ZC3H13: variants seen among roughly 807,000 people sequenced by gnomAD.
The protein encoded by ZC3H13 is zinc finger CCCH domain-containing protein 13.
In ZC3H13, 64 loss-of-function variants were observed where a neutral mutation model predicts 204.1. That is an observed-to-expected ratio of 0.31 (90% CI 0.26 to 0.39). ZC3H13 has a LOEUF of 0.39. Among genes scored for constraint, ZC3H13 ranks in the 10% least tolerant of loss-of-function variants. The pLI, the probability that ZC3H13 is intolerant of heterozygous loss-of-function variation, is 1.00. For synonymous variants in ZC3H13, 667 were observed against 693.7 expected, an observed-to-expected ratio of 0.96 and a Z score of 0.60; for missense variants, 1,833 against 2,082.7, an observed-to-expected ratio of 0.88 and a Z score of 2.33.
chr13:45,976,470 A>G (rs1378919757), intron 11 of ZC3H13, among the ~76,000 whole-genome samples: 1 of 152,244 alleles, frequency 6.6e-6, no homozygotes, highest in Non-Finnish European at 1.5e-5. Context: ...AGTGTTTCAT[A>G]TTAGTGATAT....
intron 14 of ZC3H13, 43 bp from the exon 15 acceptor site, chr13:45,968,071 TA>T: frequency 6.7e-7 from 1 of 1,502,166 alleles, no homozygotes; most frequent in Non-Finnish European, 8.9e-7. Flanking sequence ...TAGCACATGA[TA>T]AAATAGAAAC....
intron 18 of ZC3H13, among the ~76,000 whole-genome samples, chr13:45,958,245 T>G (rs1413562980): frequency 6.6e-6 from 1 of 152,260 alleles, no homozygotes; most frequent in Non-Finnish European, 1.5e-5. Context: ...TATTTTTCTT[T>G]AATGAAGTAA....
In ZC3H13 at chr13:45,988,914, T is replaced by G; in HGVS notation, c.1128A>C (p.Ser376=). 3.7e-6 allele frequency: 6 copies of G among 1,614,094 alleles called. No homozygotes were observed. The highest frequency in any genetic ancestry group is 5.1e-6 in the Non-Finnish European group (6 of 1,180,022). ...TTCTCTGGGGAGACGACAAAGAATG[T>G]GAAGGATAAGGAGAGGCAGAGCGTC... is the stretch of plus-strand genomic sequence containing the variant. ...PLRRSASPYP[S]HSLSSPQRKQ... Residue 376 remains serine, a synonymous_variant, in exon 9 of 19, where the codon TCA becomes TCC. Transcript: ENST00000679008.
chr13:46,006,883 T>C (rs544761360), intron 7 of ZC3H13, among the ~76,000 whole-genome samples: 3 of 151,612 alleles, frequency 2.0e-5, no homozygotes, highest in Admixed American at 2.0e-4. Context: ...ATATGACGAC[T>C]AAATCTAGTT....
intron 3 of ZC3H13, among the ~76,000 whole-genome samples, chr13:46,043,686 G>T (rs1015763146): frequency 6.6e-6 from 1 of 151,718 alleles, no homozygotes. Context: ...GCACAAATAC[G>T]AAAGAAGTTA....
intron 18 of ZC3H13, among the ~76,000 whole-genome samples, chr13:45,957,558 A>T (rs41284147): frequency 0.26 from 38,906 of 152,130 alleles, 5,370 homozygotes; most frequent in South Asian, 0.33. Context: ...ACAGGTAATC[A>T]ACCGGTTTTT....
intron 12 of ZC3H13, among the ~76,000 whole-genome samples, chr13:45,971,242 C>A (rs1175317408): frequency 6.6e-6 from 1 of 151,978 alleles, no homozygotes; most frequent in African/African-American, 2.4e-5. Flanking sequence ...TAGTGTTTTC[C>A]CCCATTTTCA....
chr13:45,971,299 A>C (rs1952563655), intron 12 of ZC3H13, among the ~76,000 whole-genome samples: 1 of 152,198 alleles, frequency 6.6e-6, no homozygotes. Context: ...TTGTTTATAA[A>C]TACTATGGTC....
intron 17 of ZC3H13, among the ~76,000 whole-genome samples, chr13:45,961,190 T>C (rs893707484): frequency 6.6e-6 from 1 of 152,160 alleles, no homozygotes; most frequent in Non-Finnish European, 1.5e-5. Flanking sequence ...TATAGTCATA[T>C]ATGCACATGA....
chr13:45,975,091 C>T (rs1372172584), intron 12 of ZC3H13, among the ~76,000 whole-genome samples, 192 bp downstream of exon 12: 1 of 152,044 alleles, frequency 6.6e-6, no homozygotes, highest in Non-Finnish European at 1.5e-5. Flanking sequence ...AGGAATCTGC[C>T]TGCCTCGGCC....
chr13:45,962,526 A>C, intron 17 of ZC3H13: 2 of 984,112 alleles, frequency 2.0e-6, no homozygotes, highest in Non-Finnish European at 2.4e-6. Flanking sequence ...CAACCAAACA[A>C]GGCAGATACA....
intron 4 of ZC3H13, among the ~76,000 whole-genome samples, chr13:46,025,658 G>A (rs187618994): frequency 1.4e-3 from 212 of 152,084 alleles, no homozygotes; most frequent in African/African-American, 5.0e-3. Context: ...AAATCCTATT[G>A]CTCTAAAAAT....
At chr13:46,039,980 C>T (rs1239956524) in intron 4 of ZC3H13, among the ~76,000 whole-genome samples, 1 of 152,088 alleles carries the variant, frequency 6.6e-6, no homozygotes, top group East Asian at 1.9e-4. Flanking sequence ...GCTGAGGCAT[C>T]TGTTATTCTG....
At chr13:45,970,115 A>G in intron 13 of ZC3H13, 144 bp from the exon 14 acceptor site, 1 of 1,078,172 alleles carries the variant, frequency 9.3e-7, no homozygotes, top group East Asian at 2.6e-5. Context: ...TCAAGAGATC[A>G]AGATCATTTA....
At chr13:45,960,659 GA>G (rs1951615418) in intron 17 of ZC3H13, among the ~76,000 whole-genome samples, 1 of 152,098 alleles carries the variant, frequency 6.6e-6, no homozygotes, top group East Asian at 1.9e-4. Context: ...AGACACAAAG[GA>G]AGTCAAAATA....
chr13:46,005,764 T>C (rs968583971), intron 7 of ZC3H13, among the ~76,000 whole-genome samples: 4 of 152,180 alleles, frequency 2.6e-5, no homozygotes, highest in Admixed American at 2.0e-4. Context: ...TGTCCTATTC[T>C]ATGATTTTCC....
intron 4 of ZC3H13, among the ~76,000 whole-genome samples, chr13:46,028,856 C>T (rs2042702627): frequency 1.3e-5 from 2 of 151,622 alleles, no homozygotes; most frequent in Non-Finnish European, 2.9e-5. Context: ...GAAAAGACAA[C>T]CAAAAATCAT....
Position 45,967,842 on chromosome 13 carries a change from T to C in ZC3H13, c.3983A>G (p.Asp1328Gly), listed in dbSNP as rs1217875660. Reference sequence around the variant, plus strand: ...ATCCCTGTTGCGTGGCCAATCTTTATCAGCATCTCGGTCCCATTCTCTCTG... The same window carrying C: ...ATCCCTGTTGCGTGGCCAATCTTTACCAGCATCTCGGTCCCATTCTCTCTG... The part of the protein sequence containing the change: ...TRQREWDRDA[D>G]KDWPRNRDRD... The change falls in exon 15 of 19, where the codon GAT becomes GGT. Residue 1328 changes from aspartate to glycine, a missense_variant. By Grantham distance (94) the Asp-to-Gly change is moderately conservative. This residue lies in a region of ZC3H13 where 1,574 missense variants were observed against 1,757.2 expected (regional missense o/e 0.90). Coordinates refer to ENST00000679008, the MANE Select transcript of ZC3H13 (RefSeq NM_001330564.2). The C allele has an allele frequency of 6.2e-7, 1 of 1,613,978 alleles. No homozygotes were observed. Among genetic ancestry groups the C allele is most frequent in the South Asian group, 1.1e-5 (1 of 91,066 alleles).
chr13:46,036,190 G>A (rs1160182611), intron 4 of ZC3H13, among the ~76,000 whole-genome samples: 3 of 151,774 alleles, frequency 2.0e-5, no homozygotes, highest in Non-Finnish European at 4.4e-5. Flanking sequence ...ATGTCGGGGG[G>A]CAGTAAGAGA....
Sources: gnomAD v4.1 joint callset for allele counts (sites outside exome capture counted in the v4.1 genomes callset) on GRCh38, gnomAD v4.1.1 for gene constraint, gnomAD v4.1.1 regional missense constraint, MANE v1.5 for transcripts, NCBI Gene and HGNC (gene_info 2026-07-23, HGNC 2026-07-21) for gene names.